SUMF1: variants seen among roughly 807,000 people sequenced by gnomAD.
SUMF1 encodes formylglycine-generating enzyme.
Under a neutral mutation model 47.6 loss-of-function variants are expected in SUMF1, and 48 were observed. That is an observed-to-expected ratio of 1.01 (90% CI 0.80 to 1.28). The LOEUF is 1.28. Ranked by LOEUF, SUMF1 falls within the 50% of genes most tolerant of loss-of-function variation. The probability of loss-of-function intolerance (pLI) is 0.00; values close to 1 mark genes in which losing one functional copy is unlikely to be tolerated. For missense variants in SUMF1, 571 were observed against 485.4 expected (o/e 1.18, Z -1.66); for synonymous variants, 230 against 192.1 (o/e 1.20, Z -1.63).
intron 8 of SUMF1, among the ~76,000 whole-genome samples, chr3:4,158,279 C>G (rs1173749457): frequency 6.6e-6 from 1 of 151,460 alleles, no homozygotes; most frequent in East Asian, 1.9e-4. Flanking sequence ...TTATTGACTT[C>G]TAGTTTTATT....
At chr3:4,065,969 G>C (rs1467337373) in intron 9 of SUMF1, among the ~76,000 whole-genome samples, 1 of 152,120 alleles carries the variant, frequency 6.6e-6, no homozygotes, top group Non-Finnish European at 1.5e-5. Context: ...CCCGCTGTCT[G>C]ATCTACTGCT....
At chr3:4,357,873 G>A (rs1287258037), downstream of SUMF1, among the ~76,000 whole-genome samples, 1 of 152,012 alleles carries the variant, frequency 6.6e-6, no homozygotes, top group Non-Finnish European at 1.5e-5. Context: ...CTCCCAAAGT[G>A]CAGGGATTAC....
chr3:4,131,507 A>C (rs1020731437), intron 8 of SUMF1, among the ~76,000 whole-genome samples: 3 of 152,194 alleles, frequency 2.0e-5, no homozygotes, highest in African/African-American at 7.2e-5. Flanking sequence ...ACAGCAGTGA[A>C]GGGAAATCTT....
chr3:4,429,748 A>C (rs1702176672), intron 3 of SUMF1, among the ~76,000 whole-genome samples: 1 of 152,132 alleles, frequency 6.6e-6, no homozygotes, highest in African/African-American at 2.4e-5. Flanking sequence ...TTCAAACGAC[A>C]GGCTGGTACT....
chr3:4,089,576 A>C (rs1385938416), intron 8 of SUMF1, among the ~76,000 whole-genome samples: 1 of 152,118 alleles, frequency 6.6e-6, no homozygotes, highest in Non-Finnish European at 1.5e-5. Context: ...AACTCCAGGG[A>C]TTATGAATAA....
intron 8 of SUMF1, among the ~76,000 whole-genome samples, chr3:4,226,110 G>A (rs778949869): frequency 9.9e-5 from 15 of 152,018 alleles, no homozygotes; most frequent in Admixed American, 2.0e-4. Context: ...CTACCCGCTC[G>A]CCATTTATAA....
intron 8 of SUMF1, among the ~76,000 whole-genome samples, chr3:4,098,936 G>C (rs1372238454): frequency 6.6e-6 from 1 of 152,110 alleles, no homozygotes; most frequent in Non-Finnish European, 1.5e-5. Flanking sequence ...AAGCAGATTT[G>C]TAGCATTCAC....
chr3:4,054,926 T>C (rs185684511), intron 9 of SUMF1, among the ~76,000 whole-genome samples: 25 of 152,262 alleles, frequency 1.6e-4, no homozygotes, highest in Admixed American at 1.4e-3. Context: ...TGAGAAATGT[T>C]AGGGAACATC....
rs201298787 is a variant in SUMF1, at chr3:4,376,402, A to G, written c.955-13T>C. The G allele has an allele frequency of 3.1e-6, 5 of 1,613,804 alleles. No individual in the cohort carries two copies. Among genetic ancestry groups the G allele is most frequent in the African/African-American group, 1.3e-5 (1 of 74,924 alleles). On this transcript the variant is annotated splice_polypyrimidine_tract_variant and intron_variant, in intron 7 of 8. Transcript: ENST00000272902. The stretch of plus-strand genomic sequence containing the variant: ...AAGGGGGACCTTTCTACAGATGAAG[A>G]AAAAAGGCTATGTTAGACCAGAAGG...
intron 8 of SUMF1, among the ~76,000 whole-genome samples, chr3:4,262,124 C>A (rs968811914): frequency 3.9e-5 from 6 of 152,052 alleles, no homozygotes; most frequent in African/African-American, 1.4e-4. Context: ...TCAACCCAAG[C>A]AAAGAGCTAA....
At chr3:4,351,627 C>T (rs563162342) in intron 8 of SUMF1, among the ~76,000 whole-genome samples, 2 of 152,072 alleles carry the variant, frequency 1.3e-5, no homozygotes, top group Non-Finnish European at 2.9e-5. Context: ...TCTTCCACGC[C>T]GCCCCTAAAA....
intron 8 of SUMF1, among the ~76,000 whole-genome samples, chr3:4,183,649 TA>T (rs1335182587): frequency 1.3e-5 from 2 of 152,182 alleles, no homozygotes; most frequent in Non-Finnish European, 2.9e-5. Context: ...CTCATGATGT[TA>T]AAGACAAAAA....
chr3:4,123,187 G>T (rs542292696), intron 8 of SUMF1, among the ~76,000 whole-genome samples: 39 of 152,190 alleles, frequency 2.6e-4, no homozygotes, highest in Non-Finnish European at 4.3e-4. Context: ...GATGAGAGAT[G>T]CAATGGTCAA....
intron 9 of SUMF1, among the ~76,000 whole-genome samples, chr3:4,051,567 G>A (rs114570377): frequency 2.6e-5 from 4 of 152,146 alleles, no homozygotes; most frequent in African/African-American, 9.7e-5. Context: ...TGTTAAAGTT[G>A]TAACGTTTCT....
chr3:4,423,925 A>G (rs1452870853), intron 3 of SUMF1, among the ~76,000 whole-genome samples: 1 of 152,196 alleles, frequency 6.6e-6, no homozygotes, highest in Non-Finnish European at 1.5e-5. Context: ...GTCTTCTGCC[A>G]TGATCGAAAG....
At chr3:4,242,521 T>C (rs1157290130) in intron 8 of SUMF1, among the ~76,000 whole-genome samples, 2 of 152,214 alleles carry the variant, frequency 1.3e-5, no homozygotes, top group East Asian at 1.9e-4. Flanking sequence ...TCTGCATCTA[T>C]TGAGATAATC....
At chr3:4,315,794 C>T (rs1698613064) in intron 8 of SUMF1, among the ~76,000 whole-genome samples, 1 of 152,000 alleles carries the variant, frequency 6.6e-6, no homozygotes, top group Non-Finnish European at 1.5e-5. Flanking sequence ...CACCTGTAAT[C>T]CCAGCACTTT....
chr3:4,115,854 G>A (rs959578305), intron 8 of SUMF1, among the ~76,000 whole-genome samples: 4 of 151,922 alleles, frequency 2.6e-5, no homozygotes, highest in Admixed American at 6.6e-5. Context: ...TTTTGTAAAC[G>A]ACTAAATTGG....
intron 8 of SUMF1, among the ~76,000 whole-genome samples, chr3:4,133,699 TC>T (rs1693847260): frequency 6.6e-6 from 1 of 152,150 alleles, no homozygotes; most frequent in Non-Finnish European, 1.5e-5. Flanking sequence ...GACTCCAATT[TC>T]TTCAGTTTTG....
Sources: allele counts gnomAD v4.1 joint callset (sites outside exome capture counted in the v4.1 genomes callset), GRCh38; gene constraint gnomAD v4.1.1; transcripts MANE v1.5; gene names NCBI Gene and HGNC (gene_info 2026-07-23, HGNC 2026-07-21).